Variants in ZNF536 observed in about 807,000 individuals in gnomAD.
The protein encoded by ZNF536 is zinc finger protein 536.
ZNF536 carries 13 observed loss-of-function variants against 84.5 expected under a neutral mutation model. That is an observed-to-expected ratio of 0.15 (90% CI 0.10 to 0.24). The LOEUF is 0.24. Ranked by LOEUF, ZNF536 falls within the 10% of genes least tolerant of loss-of-function variation. The probability of loss-of-function intolerance (pLI) is 1.00; values close to 1 mark genes in which losing one functional copy is unlikely to be tolerated. For synonymous variants in ZNF536, 811 were observed against 742.5 expected (o/e 1.09, Z -1.50); for missense variants, 1,536 against 1,747.5 (o/e 0.88, Z 2.16).
intron 1 of ZNF536, among the ~76,000 whole-genome samples, chr19:30,253,880 T>G (rs1463802275): frequency 1.3e-5 from 2 of 152,132 alleles, no homozygotes; most frequent in Non-Finnish European, 2.9e-5. Context: ...CTCATCAGAT[T>G]AGTGAGTCAG....
chr19:30,533,777 C>T (rs1403347638), intron 2 of ZNF536, among the ~76,000 whole-genome samples: 5 of 152,182 alleles, frequency 3.3e-5, no homozygotes, highest in African/African-American at 4.8e-5. Context: ...CTGGAAGCTA[C>T]GGTGAGGATC....
At chr19:30,528,659 C>T (rs527617752) in intron 2 of ZNF536, among the ~76,000 whole-genome samples, 11 of 152,288 alleles carry the variant, frequency 7.2e-5, no homozygotes, top group African/African-American at 2.4e-4. Flanking sequence ...GTTGTCTCAA[C>T]CTTTGCGTTG....
intron 1 of ZNF536, among the ~76,000 whole-genome samples, chr19:30,698,473 G>A (rs758456633): frequency 4.6e-5 from 7 of 151,986 alleles, no homozygotes; most frequent in Non-Finnish European, 8.8e-5. Flanking sequence ...GTTTTTATCC[G>A]ATGTCCTGTT....
At chr19:30,646,854 T>A (rs546205303) in intron 1 of ZNF536, among the ~76,000 whole-genome samples, 12 of 152,290 alleles carry the variant, frequency 7.9e-5, no homozygotes, top group African/African-American at 2.9e-4. Context: ...GCTATTGATG[T>A]TGTATGTTTA....
At chr19:30,385,944 T>C (rs1271048810) in intron 1 of ZNF536, among the ~76,000 whole-genome samples, 2 of 152,196 alleles carry the variant, frequency 1.3e-5, no homozygotes, top group African/African-American at 4.8e-5. Flanking sequence ...CCTGGATCAC[T>C]GAGCTGGCAG....
chr19:30,606,549 G>A (rs2047899315), intron 1 of ZNF536, among the ~76,000 whole-genome samples: 1 of 152,124 alleles, frequency 6.6e-6, no homozygotes, highest in Non-Finnish European at 1.5e-5. Context: ...TCCACCGTTG[G>A]GAGGCCACTT....
intron 2 of ZNF536, among the ~76,000 whole-genome samples, chr19:30,297,803 C>T (rs367852099): frequency 3.3e-5 from 5 of 151,980 alleles, no homozygotes; most frequent in East Asian, 1.9e-4. Context: ...GGAGCTTGGG[C>T]GCCAGGCAGC....
At chr19:30,578,791 C>A (rs1211323319) in intron 1 of ZNF536, among the ~76,000 whole-genome samples, 1 of 152,208 alleles carries the variant, frequency 6.6e-6, no homozygotes, top group Non-Finnish European at 1.5e-5. Context: ...ACTTACCAGG[C>A]CATAGGGCTC....
At chr19:30,688,854 C>T (rs1302538302) in intron 1 of ZNF536, among the ~76,000 whole-genome samples, 1 of 152,230 alleles carries the variant, frequency 6.6e-6, no homozygotes, top group Non-Finnish European at 1.5e-5. Flanking sequence ...ACACATCACC[C>T]TGGCTGGCCC....
At position 30,462,857 on chromosome 19, in the gene ZNF536, G is replaced by A. The variant is rs1279677534; in HGVS notation, c.2170+17125G>A. ...GTGTGAGTGTTGTGTGGATAAGGAT[G>A]TGTGTGTTGGGATGGGTGTATCCAT... On this transcript the variant is annotated intron_variant, in intron 2 of 4. Transcript: ENST00000355537. 1.4e-5 allele frequency among the ~76,000 whole-genome samples: 2 copies of A among 147,090 alleles called. 1 individual carries two copies. Among genetic ancestry groups the A allele is most frequent in the African/African-American group, 4.9e-5 (2 of 40,532 alleles).
intron 1 of ZNF536, among the ~76,000 whole-genome samples, chr19:30,441,556 C>T (rs190490374): frequency 2.0e-5 from 3 of 152,256 alleles, no homozygotes; most frequent in African/African-American, 7.2e-5. Context: ...GGAAGGATCT[C>T]GGTAAGTCTG....
intron 1 of ZNF536, chr19:30,710,730 C>G (rs1010851643): frequency 6.6e-6 from 1 of 152,192 alleles, no homozygotes; most frequent in African/African-American, 2.4e-5. Flanking sequence ...AGCAACAGTG[C>G]TGACCGGCCA....
At chr19:30,488,966 G>A (rs529819464) in intron 2 of ZNF536, among the ~76,000 whole-genome samples, 50 of 152,296 alleles carry the variant, frequency 3.3e-4, no homozygotes, top group African/African-American at 1.2e-3. Flanking sequence ...AAGTGCTAGG[G>A]CTGCTGACTG....
intron 1 of ZNF536, among the ~76,000 whole-genome samples, chr19:30,691,258 C>CA (rs375811540): frequency 1.3e-5 from 2 of 152,120 alleles, no homozygotes; most frequent in Admixed American, 1.3e-4. Flanking sequence ...GCCCACCCCC[C>CA]ACATGCACAT....
chr19:30,613,251 A>G (rs1160730975), intron 1 of ZNF536, among the ~76,000 whole-genome samples: 1 of 152,132 alleles, frequency 6.6e-6, no homozygotes, highest in Non-Finnish European at 1.5e-5. Context: ...TTATGATGAA[A>G]AAGCATCGTG....
intron 1 of ZNF536, among the ~76,000 whole-genome samples, chr19:30,678,198 G>A (rs1047509143): frequency 6.6e-6 from 1 of 152,208 alleles, no homozygotes; most frequent in Non-Finnish European, 1.5e-5. Context: ...AGCCTCCATG[G>A]TACCACAGCT....
intron 2 of ZNF536, among the ~76,000 whole-genome samples, chr19:30,486,409 T>C (rs1298925674): frequency 6.6e-6 from 1 of 152,218 alleles, no homozygotes; most frequent in African/African-American, 2.4e-5. Flanking sequence ...GCTCCATCCA[T>C]GTCCATGCAA....
At chr19:30,712,689 G>A (rs1723126421) in exon 2 of ZNF536, 1 of 152,174 alleles carries the variant, frequency 6.6e-6, no homozygotes, top group African/African-American at 2.4e-5. Flanking sequence ...GGACCCATCT[G>A]GCATAGAGCA....
chr19:30,294,020 A>T (rs111314347), intron 2 of ZNF536, among the ~76,000 whole-genome samples: 2,249 of 152,254 alleles, frequency 0.015, 31 homozygotes, highest in Middle Eastern at 0.027. Flanking sequence ...CTGGTTGCCC[A>T]GCAGGTGGTG....
Sources: gnomAD v4.1 joint callset for allele counts (sites outside exome capture counted in the v4.1 genomes callset) on GRCh38, gnomAD v4.1.1 for gene constraint, MANE v1.5 for transcripts, NCBI Gene and HGNC (gene_info 2026-07-23, HGNC 2026-07-21) for gene names.